The following CCDC192 variants were observed in gnomAD, a reference collection of about 807,000 sequenced individuals.
CCDC192 encodes coiled-coil domain containing 192, also known as coiled-coil domain-containing protein 192.
intron 5 of CCDC192, among the ~76,000 whole-genome samples, chr5:127,803,957 T>G (rs984074123): frequency 6.6e-6 from 1 of 152,102 alleles, no homozygotes; most frequent in African/African-American, 2.4e-5. Flanking sequence ...GACAGATGAG[T>G]GAATTTTGGA....
intron 2 of CCDC192, among the ~76,000 whole-genome samples, chr5:127,746,179 A>C (rs902487743): frequency 6.6e-6 from 1 of 152,210 alleles, no homozygotes; most frequent in African/African-American, 2.4e-5. Context: ...CTGACTTTGC[A>C]TTCTCCACAG....
chr5:127,717,373 C>G (rs1381391460), intron 2 of CCDC192, among the ~76,000 whole-genome samples: 1 of 152,050 alleles, frequency 6.6e-6, no homozygotes, highest in African/African-American at 2.4e-5. Context: ...GTTCCCTGCT[C>G]CTATGAACTA....
At chr5:127,920,398 C>A (rs979261884) in intron 6 of CCDC192, among the ~76,000 whole-genome samples, 1 of 145,796 alleles carries the variant, frequency 6.9e-6, no homozygotes, top group Non-Finnish European at 1.5e-5. Flanking sequence ...CTAAAAGGAA[C>A]TGAAGAGGCT....
At chr5:127,776,588 A>T (rs142032772) in intron 3 of CCDC192, among the ~76,000 whole-genome samples, 5 of 152,348 alleles carry the variant, frequency 3.3e-5, no homozygotes, top group Admixed American at 6.5e-5. Context: ...AATCATCAAG[A>T]TGTTGGAGAA....
At chr5:127,758,151 C>T (rs1230892541) in intron 3 of CCDC192, among the ~76,000 whole-genome samples, 1 of 152,130 alleles carries the variant, frequency 6.6e-6, no homozygotes, top group African/African-American at 2.4e-5. Flanking sequence ...CCTCTGAGAA[C>T]ACAGATTTAA....
chr5:127,922,727 A>G (rs555124942), intron 6 of CCDC192, among the ~76,000 whole-genome samples: 6 of 152,208 alleles, frequency 3.9e-5, no homozygotes, highest in Non-Finnish European at 8.8e-5. Flanking sequence ...CAGCCTGGGC[A>G]ATAGGGTGAA....
intron 1 of CCDC192, 50 bp downstream of exon 1, chr5:127,703,557 ATAAAGTAGC>A (rs1750795487): frequency 2.5e-6 from 1 of 397,702 alleles, no homozygotes; most frequent in Admixed American, 4.4e-5. Context: ...GAATTTCTGG[ATAAAGTAGC>A]TTTCACTCAG....
At chr5:127,861,517 T>A (rs1751370041) in intron 5 of CCDC192, among the ~76,000 whole-genome samples, 1 of 151,598 alleles carries the variant, frequency 6.6e-6, no homozygotes, top group African/African-American at 2.4e-5. Flanking sequence ...TAGCCAGGCA[T>A]GATGACAGGC....
intron 2 of CCDC192, among the ~76,000 whole-genome samples, chr5:127,718,594 C>A (rs368948720): frequency 1.3e-5 from 2 of 152,300 alleles, no homozygotes; most frequent in African/African-American, 4.8e-5. Context: ...GATAAATATA[C>A]ATCCTTAGAG....
At chr5:127,853,806 C>CA (rs966441188) in intron 5 of CCDC192, among the ~76,000 whole-genome samples, 21 of 151,660 alleles carry the variant, frequency 1.4e-4, no homozygotes, top group Admixed American at 3.3e-4. Context: ...AAAAAACAAA[C>CA]AAAAAAAACA....
chr5:127,888,559 T>C (rs1752643488), intron 6 of CCDC192, among the ~76,000 whole-genome samples: 1 of 152,056 alleles, frequency 6.6e-6, no homozygotes, highest in Non-Finnish European at 1.5e-5. Context: ...TCATATAGGA[T>C]TGCAGGAGAA....
At chr5:127,745,414 T>C (rs1389097978) in intron 2 of CCDC192, among the ~76,000 whole-genome samples, 2 of 152,226 alleles carry the variant, frequency 1.3e-5, no homozygotes, top group Non-Finnish European at 2.9e-5. Flanking sequence ...TCTTACAATG[T>C]CATATAAGAT....
chr5:127,801,791 T>C (rs1757520602), intron 5 of CCDC192, among the ~76,000 whole-genome samples: 1 of 152,206 alleles, frequency 6.6e-6, no homozygotes, highest in Non-Finnish European at 1.5e-5. Context: ...GAGCAAAGAA[T>C]GATTCCTGAA....
At chr5:127,743,405 CATCT>C (rs1183171110) in intron 2 of CCDC192, among the ~76,000 whole-genome samples, 1 of 152,172 alleles carries the variant, frequency 6.6e-6, no homozygotes, top group East Asian at 1.9e-4. Flanking sequence ...TTGGAGTAGC[CATCT>C]ATTTCCTGCT....
intron 3 of CCDC192, among the ~76,000 whole-genome samples, chr5:127,779,029 A>C (rs995234216): frequency 2.0e-5 from 3 of 152,046 alleles, no homozygotes; most frequent in African/African-American, 7.2e-5. Context: ...ACATAGCTAA[A>C]TATTTATCAA....
intron 6 of CCDC192, among the ~76,000 whole-genome samples, chr5:127,939,918 T>C (rs1166858074): frequency 6.6e-6 from 1 of 152,216 alleles, no homozygotes; most frequent in Non-Finnish European, 1.5e-5. Flanking sequence ...TGCCATAAGC[T>C]CCATTAGTGC....
rs564179745 is a variant in CCDC192, at chr5:127,908,709, C to T, written c.536-32473C>T. 1.2e-4 allele frequency among the ~76,000 whole-genome samples: 18 copies of T among 152,198 alleles called. 1 individual carries two copies. Among genetic ancestry groups the T allele is most frequent in the Middle Eastern group, 3.4e-3 (1 of 294 alleles). On this transcript the variant is annotated intron_variant, in intron 6 of 6. Transcript: ENST00000514853. ...TATTTTTATTTCTCCCTCGCATTTC[C>T]TTTTGTCATTAAGTGTAAACCTTGT... is the stretch of plus-strand genomic sequence containing the variant.
At chr5:127,730,705 G>T (rs753441802) in intron 2 of CCDC192, among the ~76,000 whole-genome samples, 29 of 152,180 alleles carry the variant, frequency 1.9e-4, no homozygotes, top group Middle Eastern at 3.4e-3. Flanking sequence ...GATGAAGCCT[G>T]GTTCAACATA....
Position 127,789,838 on chromosome 5 carries a change from G to A in CCDC192, c.223-7265G>A, listed in dbSNP as rs1756763025. On this transcript the variant is annotated intron_variant, in intron 3 of 6. Coordinates refer to ENST00000514853, the MANE Select transcript of CCDC192 (RefSeq NM_001317938.2). ...AGGGACATCATCTCAGCTTCAACAG[G>A]CCAAATATCCTCCAACTAAAGCCAT... 2.0e-5 allele frequency among the ~76,000 whole-genome samples: 3 copies of A among 152,316 alleles called. No homozygotes were observed. In the South Asian group the frequency reaches 6.2e-4, roughly 32 times the overall value.
Sources: allele counts gnomAD v4.1 joint callset (sites outside exome capture counted in the v4.1 genomes callset), GRCh38; gene constraint gnomAD v4.1.1; transcripts MANE v1.5; gene names NCBI Gene and HGNC (gene_info 2026-07-23, HGNC 2026-07-21).